The following TLL1 variants were observed in gnomAD, a reference collection of about 807,000 sequenced individuals.
TLL1 encodes the protein tolloid-like protein 1.
TLL1 carries 49 observed loss-of-function variants against 128.2 expected under a neutral mutation model. The observed-to-expected ratio is 0.38, with a 90% CI of 0.30 to 0.48. The LOEUF is 0.48. Among genes scored for constraint, TLL1 ranks in the 20% least tolerant of loss-of-function variants. The pLI, the probability that TLL1 is intolerant of heterozygous loss-of-function variation, is 0.96. For synonymous variants in TLL1, 454 were observed against 418.8 expected (o/e 1.08, Z -1.03); for missense variants, 1,123 against 1,242.0 (o/e 0.90, Z 1.44).
intron 1 of TLL1, among the ~76,000 whole-genome samples, chr4:165,970,747 G>T (rs886706077): frequency 6.6e-6 from 1 of 152,046 alleles, no homozygotes; most frequent in African/African-American, 2.4e-5. Flanking sequence ...CATATCTTTG[G>T]ATAACCATAT....
chr4:165,891,005 G>A (rs746671775), intron 1 of TLL1, among the ~76,000 whole-genome samples: 3 of 152,130 alleles, frequency 2.0e-5, no homozygotes, highest in Non-Finnish European at 4.4e-5. Context: ...CTTGACTTCT[G>A]TGCACCCCCA....
intron 1 of TLL1, among the ~76,000 whole-genome samples, chr4:165,987,050 C>G (rs555560295): frequency 6.6e-6 from 1 of 152,064 alleles, no homozygotes. Flanking sequence ...GAATCTGAGG[C>G]TCCTCTCCAG....
Position 166,102,520 on chromosome 4 carries a change from T to G in TLL1, c.*1644T>G, listed in dbSNP as rs1211652791. The stretch of plus-strand genomic sequence containing the variant: ...TGGACAAATAATGGGAACTTCTAAT[T>G]TTGATCAATCCCATTAAAAAAAGGC... On this transcript the variant is annotated 3_prime_UTR_variant, in exon 21 of 21. Transcript: ENST00000061240. 6.6e-6 allele frequency: 1 copy of G among 152,318 alleles called. No individual in the cohort carries two copies. The highest frequency in any genetic ancestry group is 1.5e-5 in the Non-Finnish European group (1 of 67,896). 9.4% of individuals were successfully genotyped at this position (152,318 alleles called of 1,614,324 possible).
intron 1 of TLL1, among the ~76,000 whole-genome samples, chr4:165,905,922 A>G (rs116540810): frequency 2.6e-5 from 4 of 152,230 alleles, no homozygotes; most frequent in Non-Finnish European, 5.9e-5. Context: ...TGAGGCAGAT[A>G]CCATCATTAC....
intron 1 of TLL1, among the ~76,000 whole-genome samples, chr4:165,888,121 A>G (rs1731244492): frequency 6.6e-6 from 1 of 151,958 alleles, no homozygotes; most frequent in East Asian, 1.9e-4. Flanking sequence ...TCTGTTTTTA[A>G]TTTAATTTAA....
At chr4:165,877,264 A>G (rs1730759867) in intron 1 of TLL1, among the ~76,000 whole-genome samples, 1 of 152,256 alleles carries the variant, frequency 6.6e-6, no homozygotes, top group Non-Finnish European at 1.5e-5. Context: ...GGTATAAGTG[A>G]TAGTAGGTGA....
chr4:166,050,201 T>A lies in TLL1; in HGVS notation c.1525-4875T>A, dbSNP rs189114866. Among the ~76,000 whole-genome samples the A allele has an allele frequency of 1.2e-3, 187 of 152,250 alleles. 1 individual carries two copies. Among genetic ancestry groups the A allele is most frequent in the African/African-American group, 4.2e-3 (176 of 41,550 alleles). ...TATCCCATCACACAAAAACACCCTA[T>A]TTTTTTCCTCCTTCCCCTAATTCCT... On this transcript the variant is annotated intron_variant, in intron 12 of 20. Transcript: ENST00000061240.
At chr4:166,055,708 G>C (rs984537069) in intron 13 of TLL1, among the ~76,000 whole-genome samples, 1 of 152,008 alleles carries the variant, frequency 6.6e-6, no homozygotes, top group African/African-American at 2.4e-5. Context: ...GAATATTCTG[G>C]TATCTCAAAT....
chr4:166,030,996 C>T, intron 9 of TLL1: 1 of 951,484 alleles, frequency 1.1e-6, no homozygotes, highest in Non-Finnish European at 1.3e-6. Context: ...CGATTTTGCA[C>T]ATTAAAGTTA....
intron 5 of TLL1, among the ~76,000 whole-genome samples, chr4:166,000,782 GTACCTA>G (rs908616007): frequency 2.6e-5 from 4 of 151,448 alleles, no homozygotes; most frequent in Admixed American, 2.0e-4. Flanking sequence ...TACATAATAG[GTACCTA>G]TATATGAATT....
intron 1 of TLL1, among the ~76,000 whole-genome samples, chr4:165,911,468 C>T (rs752874507): frequency 2.6e-5 from 4 of 152,128 alleles, no homozygotes; most frequent in Non-Finnish European, 1.5e-5. Context: ...TGATTCATAT[C>T]TTTGATGATG....
chr4:166,091,155 C>T lies in TLL1; in HGVS notation c.2470C>T (p.His824Tyr). Reference protein sequence around the residue: ...LAFSEFEIEQHQECAYDHLEV... With the variant: ...LAFSEFEIEQYQECAYDHLEV... ...CTTTAGTGAATTTGAGATTGAGCAG[C>T]ATCAAGAATGTGCTTATGACCACTT... is the stretch of plus-strand genomic sequence containing the variant. Residue 824 changes from histidine (H) to tyrosine (Y), a missense_variant, in exon 19 of 21, where the codon CAT becomes TAT. Physicochemically the swap from His to Tyr is moderately conservative, Grantham distance 83. This residue lies in a region of TLL1 where 634 missense variants were observed against 672.4 expected (regional missense o/e 0.94). Transcript: ENST00000061240. 6.2e-7 allele frequency: 1 copy of T among 1,612,808 alleles called. No individual in the cohort carries two copies. Among genetic ancestry groups the T allele is most frequent in the Non-Finnish European group, 8.5e-7 (1 of 1,179,330 alleles).
At chr4:166,013,667 A>G (rs987608733) in intron 7 of TLL1, among the ~76,000 whole-genome samples, 4 of 151,802 alleles carry the variant, frequency 2.6e-5, no homozygotes, top group Non-Finnish European at 5.9e-5. Flanking sequence ...TAAATATTTG[A>G]CATACATTTA....
intron 8 of TLL1, among the ~76,000 whole-genome samples, chr4:166,019,977 A>G (rs1004211139): frequency 6.6e-6 from 1 of 152,158 alleles, no homozygotes; most frequent in Non-Finnish European, 1.5e-5. Flanking sequence ...GTATGAGGAT[A>G]TGTTTCCTTC....
rs559350846 is a variant in TLL1, at chr4:166,062,065, C to G, written c.2007+1877C>G. 2.9e-3 allele frequency among the ~76,000 whole-genome samples: 435 copies of G among 152,148 alleles called. 2 individuals carry two copies. Among genetic ancestry groups the G allele is most frequent in the African/African-American group, 9.7e-3 (402 of 41,500 alleles). On this transcript the variant is annotated intron_variant, in intron 15 of 20. Coordinates refer to ENST00000061240, the MANE Select transcript of TLL1 (RefSeq NM_012464.5). ...TTATTTCTGAGGGCTCTGTTCTGTT[C>G]CATTGATCTATATCTCTGTGTTGGT...
intron 6 of TLL1, among the ~76,000 whole-genome samples, chr4:166,007,292 T>A (rs1737484260): frequency 1.3e-5 from 2 of 151,776 alleles, no homozygotes; most frequent in African/African-American, 4.8e-5. Context: ...GAAGTTAAAC[T>A]AACAGATGTG....
At chr4:165,994,092 G>A (rs1311130699) in intron 3 of TLL1, among the ~76,000 whole-genome samples, 1 of 151,944 alleles carries the variant, frequency 6.6e-6, no homozygotes, top group Non-Finnish European at 1.5e-5. Flanking sequence ...AATTTTCTGT[G>A]GCCTATAAGC....
chr4:166,037,813 TAA>T (rs78861420), intron 9 of TLL1, among the ~76,000 whole-genome samples: 1 of 144,126 alleles, frequency 6.9e-6, no homozygotes. Context: ...TGTCTCCAAT[TAA>T]AAAAAAAAAA....
At chr4:166,030,797 G>T in intron 9 of TLL1, 2 of 1,071,806 alleles carry the variant, frequency 1.9e-6, no homozygotes, top group Non-Finnish European at 2.3e-6. Flanking sequence ...GCTTATTTTG[G>T]TCCTGCCTAT....
Sources: allele counts gnomAD v4.1 joint callset (sites outside exome capture counted in the v4.1 genomes callset), GRCh38; gene constraint gnomAD v4.1.1; regional missense constraint gnomAD v4.1.1; transcripts MANE v1.5; gene names NCBI Gene and HGNC (gene_info 2026-07-23, HGNC 2026-07-21).